Variants in RHBDL3 observed in about 807,000 individuals in gnomAD.
The protein encoded by RHBDL3 is rhomboid like 3.
A neutral mutation model predicts 48.2 loss-of-function variants in RHBDL3; 28 were observed. The observed-to-expected ratio is 0.58, with a 90% CI of 0.43 to 0.80. The LOEUF (loss-of-function observed/expected upper bound fraction) is 0.80, where lower values mean the gene tolerates loss of function less well. Ranked by LOEUF, RHBDL3 falls within the 30% of genes least tolerant of loss-of-function variation. The pLI, the probability that RHBDL3 is intolerant of heterozygous loss-of-function variation, is 0.00. For missense variants in RHBDL3, 464 were observed against 542.7 expected, an observed-to-expected ratio of 0.85 and a Z score of 1.44; for synonymous variants, 208 against 232.3, an observed-to-expected ratio of 0.90 and a Z score of 0.95.
chr17:32,313,063 C>G (rs948759159), intron 7 of RHBDL3, among the ~76,000 whole-genome samples: 5 of 151,820 alleles, frequency 3.3e-5, no homozygotes, highest in Non-Finnish European at 7.4e-5. Flanking sequence ...TGGCCTCTCC[C>G]AAAGCACTGG....
At chr17:32,273,351 G>T (rs2039820394) in intron 2 of RHBDL3, among the ~76,000 whole-genome samples, 1 of 152,216 alleles carries the variant, frequency 6.6e-6, no homozygotes, top group Non-Finnish European at 1.5e-5. Flanking sequence ...GGCCTACTGA[G>T]GTCACTTGGT....
chr17:32,266,546 A>C (rs1241285710), intron 1 of RHBDL3, among the ~76,000 whole-genome samples: 1 of 151,310 alleles, frequency 6.6e-6, no homozygotes, highest in Non-Finnish European at 1.5e-5. Flanking sequence ...TGCGCCGCGG[A>C]CCTGTCACCG....
intron 8 of RHBDL3, among the ~76,000 whole-genome samples, chr17:32,320,125 T>A (rs77670767): frequency 1.6e-4 from 25 of 151,962 alleles, no homozygotes; most frequent in African/African-American, 5.1e-4. Flanking sequence ...ATTTTTTTTT[T>A]AATTACCCAG....
intron 2 of RHBDL3, among the ~76,000 whole-genome samples, chr17:32,278,413 G>A (rs1015772754): frequency 2.6e-5 from 4 of 152,210 alleles, no homozygotes; most frequent in Non-Finnish European, 4.4e-5. Context: ...AACTATTTCT[G>A]TCTTGACCGC....
In RHBDL3 at chr17:32,281,656, A is replaced by G. The variant is rs539498954; in HGVS notation, c.136-3003A>G. Among the ~76,000 whole-genome samples, 41 of 152,226 alleles carry G rather than the reference A, an allele frequency of 2.7e-4. 1 individual carries two copies. The highest frequency in any genetic ancestry group is 1.5e-3 in the Admixed American group (23 of 15,308). On this transcript the variant is annotated intron_variant, in intron 2 of 8. Coordinates refer to ENST00000269051, the MANE Select transcript of RHBDL3 (RefSeq NM_138328.3). ...ATGGGAGGGGTCCCAGGCACCAAAG[A>G]AACAGACCCTCCCTGGCTGTGGTTG...
chr17:32,267,430 T>TGG (rs200339559), intron 1 of RHBDL3, among the ~76,000 whole-genome samples: 18 of 120,708 alleles, frequency 1.5e-4, no homozygotes, highest in African/African-American at 4.8e-4. Flanking sequence ...TGAGTTCTCC[T>TGG]GGGGGGGGAG....
chr17:32,308,964 G>C (rs2040774252), intron 7 of RHBDL3, among the ~76,000 whole-genome samples: 1 of 152,072 alleles, frequency 6.6e-6, no homozygotes, highest in African/African-American at 2.4e-5. Context: ...TACTCAGGAA[G>C]CTGAGGCAGT....
chr17:32,298,493 T>G (rs1323466011), intron 6 of RHBDL3, among the ~76,000 whole-genome samples: 1 of 152,232 alleles, frequency 6.6e-6, no homozygotes, highest in Non-Finnish European at 1.5e-5. Flanking sequence ...GGTAGCTCTC[T>G]GAGCTTGGGG....
At chr17:32,287,595 C>G (rs1489587003) in intron 3 of RHBDL3, among the ~76,000 whole-genome samples, 1 of 152,122 alleles carries the variant, frequency 6.6e-6, no homozygotes, top group Non-Finnish European at 1.5e-5. Context: ...CTGGCCTGGT[C>G]TGAACCTAGA....
intron 2 of RHBDL3, among the ~76,000 whole-genome samples, chr17:32,271,995 A>C (rs2039783167): frequency 6.6e-6 from 1 of 152,178 alleles, no homozygotes; most frequent in South Asian, 2.1e-4. Flanking sequence ...TTCAAGTCTT[A>C]CTCACTTTGT....
At chr17:32,314,392 T>A (rs539638859) in intron 7 of RHBDL3, among the ~76,000 whole-genome samples, 1,668 of 151,588 alleles carry the variant, frequency 0.011, 36 homozygotes, top group African/African-American at 0.039. Context: ...TTTATTTTTA[T>A]TTTTTTTGAG....
intron 5 of RHBDL3, among the ~76,000 whole-genome samples, chr17:32,297,569 TG>T (rs1334051953): frequency 2.6e-5 from 4 of 151,780 alleles, no homozygotes; most frequent in Non-Finnish European, 5.9e-5. Flanking sequence ...CCTGAACTGT[TG>T]TGTCAGCGTG....
chr17:32,299,190 C>A (rs957616815), intron 6 of RHBDL3, among the ~76,000 whole-genome samples: 1 of 152,064 alleles, frequency 6.6e-6, no homozygotes, highest in Admixed American at 6.6e-5. Flanking sequence ...AGCCGGGCAG[C>A]GTCAGCCTTG....
At chr17:32,308,179 A>G (rs2040755341) in intron 7 of RHBDL3, among the ~76,000 whole-genome samples, 1 of 152,102 alleles carries the variant, frequency 6.6e-6, no homozygotes, top group Non-Finnish European at 1.5e-5. Context: ...CGCTGTGGAG[A>G]TGAGCAGCCT....
In RHBDL3 at chr17:32,270,464, C is replaced by T. The variant is rs373731636; in HGVS notation, c.135+2539C>T. On this transcript the variant is annotated intron_variant, in intron 2 of 8. Transcript: ENST00000269051. Reference sequence around the variant, plus strand: ...TTGATCTAGCATGACGCCAACTGGACCCCAAGGGCTAGAAGCCATGGTGTT... The same window carrying T: ...TTGATCTAGCATGACGCCAACTGGATCCCAAGGGCTAGAAGCCATGGTGTT... Among the ~76,000 whole-genome samples the T allele has an allele frequency of 3.9e-5, 6 of 151,940 alleles. No individual in the cohort carries two copies. In the East Asian group the frequency reaches 5.8e-4, roughly 15 times the overall value.
At position 32,321,803 on chromosome 17, in the gene RHBDL3, C is replaced by G. The variant is rs1450928386; in HGVS notation, c.*574C>G. ...CCCTCCTGGGCTGGTTGGTGTGCACCGGGGCATGATCTGTTGTGCCTGGGT... is the reference window on the plus strand; with the variant it reads ...CCCTCCTGGGCTGGTTGGTGTGCACGGGGGCATGATCTGTTGTGCCTGGGT... On this transcript the variant is annotated 3_prime_UTR_variant, in exon 9 of 9. Coordinates refer to ENST00000269051, the MANE Select transcript of RHBDL3 (RefSeq NM_138328.3). 1 of 196,250 alleles carries G rather than the reference C, an allele frequency of 5.1e-6. No homozygotes were observed. Among genetic ancestry groups the G allele is most frequent in the South Asian group, 1.0e-4 (1 of 9,682 alleles). 12.2% of individuals were successfully genotyped at this position (196,250 alleles called of 1,614,324 possible).
chr17:32,301,337 G>GCGAGCAGATCACA, intron 6 of RHBDL3, among the ~76,000 whole-genome samples: 1 of 151,896 alleles, frequency 6.6e-6, no homozygotes, highest in South Asian at 2.1e-4. Flanking sequence ...GGAGGCTGAG[G>GCGAGCAGATCACA]TGAGGGGATT....
chr17:32,300,063 C>T (rs1331645516), intron 6 of RHBDL3, among the ~76,000 whole-genome samples: 1 of 152,200 alleles, frequency 6.6e-6, no homozygotes, highest in Non-Finnish European at 1.5e-5. Flanking sequence ...GAGGTGGGCA[C>T]TGCTGCTCTC....
At chr17:32,271,064 GAA>G (rs917876710) in intron 2 of RHBDL3, among the ~76,000 whole-genome samples, 1 of 151,986 alleles carries the variant, frequency 6.6e-6, no homozygotes, top group Non-Finnish European at 1.5e-5. Context: ...ATTTGTTAAA[GAA>G]AAAAGTCTTA....
Sources: gnomAD v4.1 joint callset for allele counts (sites outside exome capture counted in the v4.1 genomes callset) on GRCh38, gnomAD v4.1.1 for gene constraint, MANE v1.5 for transcripts, NCBI Gene and HGNC (gene_info 2026-07-23, HGNC 2026-07-21) for gene names.